The following ABI2 variants were observed in gnomAD, a reference collection of about 807,000 sequenced individuals.
ABI2 encodes the protein abelson interactor 2.
A neutral mutation model predicts 59.2 loss-of-function variants in ABI2; 25 were observed. The observed-to-expected ratio is 0.42, with a 90% CI of 0.31 to 0.59. The LOEUF (loss-of-function observed/expected upper bound fraction) is 0.59, where lower values mean the gene tolerates loss of function less well. Ranked by LOEUF, ABI2 falls within the 20% of genes least tolerant of loss-of-function variation. The pLI, the probability that ABI2 is intolerant of heterozygous loss-of-function variation, is 0.14. For synonymous variants in ABI2, 213 were observed against 235.5 expected (o/e 0.90, Z 0.87); for missense variants, 545 against 681.8 (o/e 0.80, Z 2.23).
At chr2:203,381,085 AT>A (rs2153218907) in intron 3 of ABI2, among the ~76,000 whole-genome samples, 1 of 152,338 alleles carries the variant, frequency 6.6e-6, no homozygotes, top group East Asian at 1.9e-4. Flanking sequence ...GCTTATAATG[AT>A]ACTGTACAGT....
intron 5 of ABI2, 132 bp from the exon 6 acceptor site, chr2:203,394,568 T>A: frequency 1.2e-6 from 1 of 828,480 alleles, no homozygotes; most frequent in South Asian, 1.8e-5. Context: ...AGACTGAAAT[T>A]GGTAGCTGGG....
chr2:203,380,440 CTT>C, intron 3 of ABI2, 56 bp downstream of exon 3: 1 of 1,163,052 alleles, frequency 8.6e-7, no homozygotes, highest in East Asian at 2.8e-5. Flanking sequence ...GAAACCAACT[CTT>C]GAGAAAATTA....
At chr2:203,358,342 C>T (rs944409226) in intron 1 of ABI2, among the ~76,000 whole-genome samples, 4 of 151,884 alleles carry the variant, frequency 2.6e-5, no homozygotes, top group Admixed American at 6.6e-5. Context: ...GAGACAAGGT[C>T]TTTCTCTGTT....
chr2:203,375,796 A>G (rs1351957971), intron 2 of ABI2: 5 of 279,938 alleles, frequency 1.8e-5, no homozygotes, highest in Non-Finnish European at 3.3e-5. Context: ...GATTGCTGAA[A>G]ACCTTAGAAT....
intron 11 of ABI2, among the ~76,000 whole-genome samples, chr2:203,424,047 C>T (rs533771806): frequency 1.6e-3 from 236 of 152,226 alleles, no homozygotes; most frequent in Non-Finnish European, 3.1e-3. Context: ...CTTACATGTG[C>T]TTTATCAGTT....
At chr2:203,332,500 C>G (rs1430313687) in intron 1 of ABI2, among the ~76,000 whole-genome samples, 2 of 151,902 alleles carry the variant, frequency 1.3e-5, no homozygotes, top group African/African-American at 4.8e-5. Context: ...TGGCGTGTGC[C>G]TGTAGTCCCA....
At chr2:203,426,412 A>G (rs143383469) in intron 11 of ABI2, among the ~76,000 whole-genome samples, 109 of 152,338 alleles carry the variant, frequency 7.2e-4, no homozygotes, top group African/African-American at 2.5e-3. Flanking sequence ...TCTGGTTGAA[A>G]TAAGATAACA....
At chr2:203,357,578 C>T (rs979494552) in intron 1 of ABI2, among the ~76,000 whole-genome samples, 4 of 152,124 alleles carry the variant, frequency 2.6e-5, no homozygotes, top group African/African-American at 9.7e-5. Context: ...GTTAACCTGC[C>T]TCAGTTATTT....
At chr2:203,365,446 T>C (rs564859988) in intron 1 of ABI2, among the ~76,000 whole-genome samples, 1 of 152,294 alleles carries the variant, frequency 6.6e-6, no homozygotes, top group East Asian at 1.9e-4. Context: ...CTTTTTCTTA[T>C]TTCATTATTG....
chr2:203,372,754 G>A (rs1435049862), intron 2 of ABI2, among the ~76,000 whole-genome samples: 9 of 151,530 alleles, frequency 5.9e-5, no homozygotes, highest in Admixed American at 2.6e-4. Context: ...CTTCTCAGAC[G>A]GGGCGGTTGC....
chr2:203,358,232 T>C (rs2092705613), intron 1 of ABI2, among the ~76,000 whole-genome samples: 1 of 149,848 alleles, frequency 6.7e-6, no homozygotes, highest in Admixed American at 6.6e-5. Context: ...TGGGCTCAAG[T>C]GATCCTCCCT....
intron 1 of ABI2, among the ~76,000 whole-genome samples, chr2:203,329,450 A>C (rs946295759): frequency 1.3e-5 from 2 of 149,858 alleles, no homozygotes; most frequent in African/African-American, 4.9e-5. Context: ...TATGAGATCC[A>C]GCTGCTCCTG....
chr2:203,336,617 T>C (rs1575647180), intron 1 of ABI2, among the ~76,000 whole-genome samples: 1 of 152,210 alleles, frequency 6.6e-6, no homozygotes, highest in African/African-American at 2.4e-5. Flanking sequence ...AGCATGGCAT[T>C]GGCTCCTCCG....
At chr2:203,423,717 A>T (rs377011813) in intron 11 of ABI2, among the ~76,000 whole-genome samples, 2 of 152,172 alleles carry the variant, frequency 1.3e-5, no homozygotes, top group South Asian at 4.2e-4. Flanking sequence ...CACCGCGCCC[A>T]GCCCAATCTG....
intron 11 of ABI2, among the ~76,000 whole-genome samples, chr2:203,422,126 G>A (rs796727273): frequency 5.3e-5 from 8 of 151,838 alleles, no homozygotes; most frequent in African/African-American, 1.9e-4. Context: ...CGATACCCTC[G>A]TCTCTACAAA....
intron 2 of ABI2, among the ~76,000 whole-genome samples, chr2:203,373,162 G>A (rs1357623460): frequency 1.3e-5 from 2 of 152,176 alleles, no homozygotes; most frequent in Non-Finnish European, 2.9e-5. Context: ...CTGCACTCCA[G>A]CCTGGGCACC....
At chr2:203,396,059 T>A (rs1027984362) in intron 7 of ABI2, among the ~76,000 whole-genome samples, 1 of 152,202 alleles carries the variant, frequency 6.6e-6, no homozygotes. Flanking sequence ...GCTAGTGTTA[T>A]GACAGTGCAG....
At chr2:203,344,359 A>T (rs753933400) in intron 1 of ABI2, among the ~76,000 whole-genome samples, 3 of 151,680 alleles carry the variant, frequency 2.0e-5, no homozygotes, top group Non-Finnish European at 2.9e-5. Flanking sequence ...TATAATTTTT[A>T]AATTTTTTTT....
intron 1 of ABI2, among the ~76,000 whole-genome samples, chr2:203,343,352 A>C (rs1315258546): frequency 6.6e-6 from 1 of 152,248 alleles, no homozygotes; most frequent in Non-Finnish European, 1.5e-5. Context: ...CGACAGCGAG[A>C]CTATGTCTCA....
Sources: allele counts gnomAD v4.1 joint callset (sites outside exome capture counted in the v4.1 genomes callset), GRCh38; gene constraint gnomAD v4.1.1; transcripts MANE v1.5; gene names NCBI Gene and HGNC (gene_info 2026-07-23, HGNC 2026-07-21).